GGNBP2: variants seen among roughly 807,000 people sequenced by gnomAD.
GGNBP2 encodes gametogenetin binding protein 2.
GGNBP2 carries 10 observed loss-of-function variants against 85.9 expected under a neutral mutation model. The ratio of observed to expected loss-of-function variants is 0.12; its 90% CI spans 0.07 to 0.20. The LOEUF (loss-of-function observed/expected upper bound fraction) is 0.20, where lower values mean the gene tolerates loss of function less well. GGNBP2 is among the 10% of genes least tolerant of loss of function. GGNBP2 has a pLI of 1.00. For missense variants in GGNBP2, 595 were observed against 857.8 expected (o/e 0.69, Z 3.83); for synonymous variants, 287 against 285.7 (o/e 1.00, Z -0.05).
chr17:36,589,425 CTCTG>C lies in GGNBP2; in HGVS notation c.*18_*21del, dbSNP rs769761843. The C allele has an allele frequency of 3.1e-6, 5 of 1,591,178 alleles. No homozygotes were observed. The highest frequency in any genetic ancestry group is 2.2e-5 in the East Asian group (1 of 44,766). On this transcript the variant is annotated 3_prime_UTR_variant, in exon 14 of 14. Transcript: ENST00000613102. ...GGAGCAAATTAAATAAATAAAATAG[CTCTG>C]TCTTTCAATGAAACACTCACGATGA...
intron 2 of GGNBP2, chr17:36,546,670 T>G (rs1567814430): frequency 6.6e-6 from 1 of 152,230 alleles, no homozygotes; most frequent in Non-Finnish European, 1.5e-5. Flanking sequence ...GCTTGCCACT[T>G]AAGAAATGAA....
At chr17:36,579,489 G>A in intron 8 of GGNBP2, 70 bp downstream of exon 8, 4 of 1,299,598 alleles carry the variant, frequency 3.1e-6, no homozygotes, top group Non-Finnish European at 4.4e-6. Flanking sequence ...CTTAATGTAA[G>A]CCACCAGTGC....
chr17:36,546,085 G>C, intron 2 of GGNBP2: 1 of 443,690 alleles, frequency 2.3e-6, no homozygotes, highest in Non-Finnish European at 4.0e-6. Context: ...TTCCCTTTAG[G>C]AGACGCTGCT....
In GGNBP2 at chr17:36,578,210, A is replaced by G. The variant is rs202093366; in HGVS notation, c.845+24A>G. 19 of 1,564,840 alleles carry G rather than the reference A, an allele frequency of 1.2e-5. No homozygotes were observed. The East Asian group carries it at 4.3e-4, about 35-fold the overall frequency. The stretch of plus-strand genomic sequence containing the variant: ...GGGTATGAGTATGTAATTTGCTAGA[A>G]TGGGCTATCTAGCGCTTTGCTTCAT... On this transcript the variant is annotated intron_variant, in intron 7 of 13. Coordinates refer to ENST00000613102, the MANE Select transcript of GGNBP2 (RefSeq NM_024835.5).
intron 2 of GGNBP2, among the ~76,000 whole-genome samples, chr17:36,551,310 G>C (rs943752805): frequency 6.6e-6 from 1 of 151,716 alleles, no homozygotes; most frequent in Admixed American, 6.6e-5. Context: ...GGGTTCAAGT[G>C]ATTCTCCTGT....
chr17:36,549,731 T>C (rs1467193095), intron 2 of GGNBP2, among the ~76,000 whole-genome samples: 1 of 152,218 alleles, frequency 6.6e-6, no homozygotes, highest in Non-Finnish European at 1.5e-5. Flanking sequence ...AATATTCCGT[T>C]GTATGACATT....
chr17:36,563,899 A>G (rs1424137912), intron 5 of GGNBP2, among the ~76,000 whole-genome samples: 3 of 151,944 alleles, frequency 2.0e-5, no homozygotes, highest in Non-Finnish European at 4.4e-5. Context: ...ACCTGCTACC[A>G]TGCCCGGCTA....
At chr17:36,579,552 T>G (rs138383073) in intron 8 of GGNBP2, 133 bp downstream of exon 8, 21,619 of 738,150 alleles carry the variant, frequency 0.029, 425 homozygotes, top group South Asian at 0.068. Context: ...CTGGATATTG[T>G]TACATGGCTT....
At chr17:36,579,562 T>G in intron 8 of GGNBP2, 143 bp downstream of exon 8, 2 of 695,884 alleles carry the variant, frequency 2.9e-6, no homozygotes, top group Non-Finnish European at 4.8e-6. Context: ...TTACATGGCT[T>G]TGGGTTGGAG....
At chr17:36,561,922 CTATTT>C (rs2074421177) in intron 5 of GGNBP2, among the ~76,000 whole-genome samples, 1 of 152,158 alleles carries the variant, frequency 6.6e-6, no homozygotes, top group South Asian at 2.1e-4. Context: ...CGCGCCCGGC[CTATTT>C]TATTTTTTAA....
intron 12 of GGNBP2, 101 bp downstream of exon 12, chr17:36,586,299 T>C: frequency 4.2e-6 from 6 of 1,426,268 alleles, no homozygotes; most frequent in Non-Finnish European, 5.5e-6. Context: ...TAGGATTTAC[T>C]TTTTTTAGAA....
chr17:36,575,648 ATTT>A lies in GGNBP2; in HGVS notation c.642-2322_642-2320del, dbSNP rs71274856. 2.5e-4 allele frequency among the ~76,000 whole-genome samples: 14 copies of A among 54,914 alleles called. No homozygotes were observed. The East Asian group carries it at 7.6e-3, about 30-fold the overall frequency. 36.0% of individuals were successfully genotyped at this position (54,914 alleles called of 152,430 possible). A position where few individuals can be genotyped will look rare whatever the true frequency, so the allele number is the denominator to read the frequency against. Reference sequence around the variant, plus strand: ...TATATATATATATATATATATATATATTTTTTTTTTTTTTTGAGATGGAGTTTC... The same window carrying A: ...TATATATATATATATATATATATATATTTTTTTTTTTTGAGATGGAGTTTC... On this transcript the variant is annotated intron_variant, in intron 6 of 13. Coordinates refer to ENST00000613102, the MANE Select transcript of GGNBP2 (RefSeq NM_024835.5).
intron 12 of GGNBP2, 107 bp downstream of exon 12, chr17:36,586,305 T>A (rs2074701018): frequency 3.6e-6 from 5 of 1,389,998 alleles, no homozygotes; most frequent in Non-Finnish European, 2.9e-6. Flanking sequence ...TTACTTTTTT[T>A]AGAATGAGTT....
intron 5 of GGNBP2, 120 bp downstream of exon 5, chr17:36,560,991 CAT>C (rs2074411273): frequency 3.8e-6 from 2 of 532,812 alleles, no homozygotes; most frequent in Non-Finnish European, 6.5e-6. Context: ...TACTCTATGA[CAT>C]AGGTCAAAAT....
intron 12 of GGNBP2, 70 bp downstream of exon 12, chr17:36,586,268 G>T: frequency 6.5e-7 from 1 of 1,538,574 alleles, no homozygotes; most frequent in East Asian, 2.3e-5. Flanking sequence ...CCTTGGAGTG[G>T]CATATGTGCA....
intron 6 of GGNBP2, among the ~76,000 whole-genome samples, chr17:36,568,021 G>T (rs1555606147): frequency 6.6e-6 from 1 of 152,022 alleles, no homozygotes; most frequent in Non-Finnish European, 1.5e-5. Flanking sequence ...TGCCTCCCAG[G>T]TTCAAGAGAT....
intron 9 of GGNBP2, among the ~76,000 whole-genome samples, chr17:36,584,951 T>TC (rs1334551900): frequency 9.5e-6 from 1 of 105,222 alleles, no homozygotes; most frequent in Non-Finnish European, 2.0e-5. Context: ...GAGACCGTAC[T>TC]CAAAAAAAAA....
Position 36,575,633 on chromosome 17 carries a change from TATATATATATATA to T in GGNBP2, c.642-2349_642-2337del, listed in dbSNP as rs1405957965. Among the ~76,000 whole-genome samples the T allele has an allele frequency of 1.3e-3, 64 of 48,186 alleles. 3 individuals carry two copies. Among genetic ancestry groups the T allele is most frequent in the African/African-American group, 5.1e-3 (58 of 11,290 alleles). 31.6% of individuals were successfully genotyped at this position (48,186 alleles called of 152,430 possible). ...TGTAACATATATATATATATATATA[TATATATATATATA>T]TATTTTTTTTTTTTTTTGAGATGGA... is the stretch of plus-strand genomic sequence containing the variant. On this transcript the variant is annotated intron_variant, in intron 6 of 13. Transcript: ENST00000613102.
At chr17:36,548,329 C>T (rs983105356) in intron 2 of GGNBP2, among the ~76,000 whole-genome samples, 2 of 151,924 alleles carry the variant, frequency 1.3e-5, no homozygotes, top group African/African-American at 4.8e-5. Flanking sequence ...AAGAAGTAGC[C>T]TTAGGCTGGG....
Sources: gnomAD v4.1 joint callset for allele counts (sites outside exome capture counted in the v4.1 genomes callset) on GRCh38, gnomAD v4.1.1 for gene constraint, MANE v1.5 for transcripts, NCBI Gene and HGNC (gene_info 2026-07-23, HGNC 2026-07-21) for gene names.